The following MAD1L1 variants were observed in gnomAD, a reference collection of about 807,000 sequenced individuals.
MAD1L1 encodes the protein mitotic arrest deficient 1 like 1.
MAD1L1 carries 95 observed loss-of-function variants against 96.9 expected under a neutral mutation model. That is an observed-to-expected ratio of 0.98 (90% CI 0.83 to 1.16). The LOEUF (loss-of-function observed/expected upper bound fraction) is 1.16, where lower values mean the gene tolerates loss of function less well. Among genes scored for constraint, MAD1L1 ranks in the 50% most tolerant of loss-of-function variants. The probability of loss-of-function intolerance (pLI) is 0.00; values close to 1 mark genes in which losing one functional copy is unlikely to be tolerated. For missense variants in MAD1L1, 1,007 were observed against 954.4 expected (o/e 1.06, Z -0.73); for synonymous variants, 473 against 396.6 (o/e 1.19, Z -2.29).
intron 10 of MAD1L1, among the ~76,000 whole-genome samples, chr7:2,184,867 T>G (rs767999708): frequency 2.6e-5 from 4 of 152,046 alleles, no homozygotes; most frequent in Non-Finnish European, 5.9e-5. Context: ...CCAGGCGTGA[T>G]AGCGCACGCC....
intron 17 of MAD1L1, among the ~76,000 whole-genome samples, chr7:1,928,035 C>T (rs562490705): frequency 1.3e-5 from 2 of 152,276 alleles, no homozygotes; most frequent in South Asian, 2.1e-4. Context: ...AGCTCGTGCC[C>T]GAGGCCTTGG....
chr7:2,127,521 C>A (rs569247918), intron 11 of MAD1L1, among the ~76,000 whole-genome samples: 1 of 152,026 alleles, frequency 6.6e-6, no homozygotes, highest in African/African-American at 2.4e-5. Flanking sequence ...CCACACCGAC[C>A]GGTAGGAAAG....
At chr7:2,069,378 G>A (rs757057610) in intron 11 of MAD1L1, 40 bp from the exon 12 acceptor site, 1 of 1,508,614 alleles carries the variant, frequency 6.6e-7, no homozygotes, top group African/African-American at 1.4e-5. Context: ...ATGAAGCCTG[G>A]GGTGACCACC....
intron 15 of MAD1L1, among the ~76,000 whole-genome samples, chr7:1,961,909 G>A (rs1045425898): frequency 8.3e-5 from 12 of 144,542 alleles, no homozygotes; most frequent in African/African-American, 2.1e-4. Context: ...ATCACAGGGC[G>A]GTTTCCCCCA....
chr7:2,012,934 G>A (rs752787502), intron 13 of MAD1L1, among the ~76,000 whole-genome samples: 3 of 152,208 alleles, frequency 2.0e-5, no homozygotes, highest in African/African-American at 2.4e-5. Context: ...GTAGTTTGGC[G>A]ACCTCCTTCT....
At chr7:1,947,658 G>A (rs897389110) in intron 16 of MAD1L1, among the ~76,000 whole-genome samples, 10 of 151,804 alleles carry the variant, frequency 6.6e-5, no homozygotes, top group Non-Finnish European at 1.5e-4. Context: ...CCTGCCCGTG[G>A]CCTTGCCCGC....
chr7:2,026,542 G>A (rs1481777606), intron 12 of MAD1L1, among the ~76,000 whole-genome samples: 1 of 152,112 alleles, frequency 6.6e-6, no homozygotes, highest in Non-Finnish European at 1.5e-5. Flanking sequence ...ACTTCCGATG[G>A]GGCCATAGAG....
At chr7:2,149,863 C>A (rs1789485043) in intron 10 of MAD1L1, among the ~76,000 whole-genome samples, 1 of 152,246 alleles carries the variant, frequency 6.6e-6, no homozygotes, top group African/African-American at 2.4e-5. Flanking sequence ...CGCTGGGACT[C>A]CGGAGGACAC....
rs538894090 is a variant in MAD1L1, at chr7:1,815,856, C to T, written c.*214G>A. On this transcript the variant is annotated 3_prime_UTR_variant, in exon 19 of 19. Coordinates refer to ENST00000265854, the MANE Select transcript of MAD1L1 (RefSeq NM_001013836.2). Reference sequence around the variant, plus strand: ...CCCAGGCTGGTGGCCGACGCCCACACACCAGGCTCCGGGACGCATGGGGTC... The same window carrying T: ...CCCAGGCTGGTGGCCGACGCCCACATACCAGGCTCCGGGACGCATGGGGTC... 4.2e-5 allele frequency: 23 copies of T among 548,322 alleles called. No homozygotes were observed. Among genetic ancestry groups the T allele is most frequent in the Non-Finnish European group, 5.7e-5 (18 of 313,200 alleles). The allele number at this position is 548,322 out of a possible 1,614,324, so 34.0% of individuals were successfully genotyped here.
chr7:2,184,061 C>T (rs35239146), intron 10 of MAD1L1, among the ~76,000 whole-genome samples: 40,539 of 151,604 alleles, frequency 0.27, 6,233 homozygotes, highest in African/African-American at 0.4. Context: ...CCATCCTGGC[C>T]AACACAGTGA....
chr7:1,896,462 G>T (rs1005420288), intron 18 of MAD1L1, among the ~76,000 whole-genome samples: 34 of 152,224 alleles, frequency 2.2e-4, no homozygotes, highest in African/African-American at 8.2e-4. Context: ...AGAAGCCCAT[G>T]CAGGGCTTAC....
intron 11 of MAD1L1, among the ~76,000 whole-genome samples, chr7:2,127,485 A>T (rs1277508907): frequency 6.6e-6 from 1 of 152,214 alleles, no homozygotes; most frequent in Non-Finnish European, 1.5e-5. Flanking sequence ...ACGGAGGAGC[A>T]GCTGCACACG....
intron 18 of MAD1L1, among the ~76,000 whole-genome samples, chr7:1,818,074 C>T (rs918003098): frequency 2.6e-5 from 4 of 152,154 alleles, no homozygotes; most frequent in Admixed American, 1.3e-4. Flanking sequence ...CAAGAGAAAC[C>T]ACTCTGACCT....
At chr7:1,922,016 GGGTTCA>G (rs1788821754) in intron 17 of MAD1L1, among the ~76,000 whole-genome samples, 1 of 152,198 alleles carries the variant, frequency 6.6e-6, no homozygotes, top group Non-Finnish European at 1.5e-5. Context: ...TGAAGACGAG[GGGTTCA>G]GGTTCTGGGA....
At chr7:1,862,788 TATAA>T (rs1466731727) in intron 18 of MAD1L1, among the ~76,000 whole-genome samples, 1 of 152,234 alleles carries the variant, frequency 6.6e-6, no homozygotes, top group East Asian at 1.9e-4. Flanking sequence ...CAGTGCTTGC[TATAA>T]ATAGAGTGAC....
At chr7:2,173,566 A>G (rs1790811575) in intron 10 of MAD1L1, among the ~76,000 whole-genome samples, 1 of 152,146 alleles carries the variant, frequency 6.6e-6, no homozygotes, top group Non-Finnish European at 1.5e-5. Flanking sequence ...GGAGATGTCC[A>G]TGCTCACCCG....
chr7:1,933,289 T>C (rs540999716), intron 17 of MAD1L1, among the ~76,000 whole-genome samples: 4 of 152,316 alleles, frequency 2.6e-5, no homozygotes, highest in African/African-American at 4.8e-5. Flanking sequence ...GAGCGATCCA[T>C]GGGAGCTGTC....
At chr7:2,081,823 C>T (rs1485543115) in intron 11 of MAD1L1, among the ~76,000 whole-genome samples, 1 of 152,224 alleles carries the variant, frequency 6.6e-6, no homozygotes, top group African/African-American at 2.4e-5. Flanking sequence ...GCGGGAGACA[C>T]ACCTGCCGTC....
chr7:1,935,134 C>T (rs545421689), intron 17 of MAD1L1, among the ~76,000 whole-genome samples: 1 of 152,384 alleles, frequency 6.6e-6, no homozygotes, highest in Non-Finnish European at 1.5e-5. Flanking sequence ...TGGAAGGCCC[C>T]TTCCCAAATC....
Sources: gnomAD v4.1 joint callset for allele counts (sites outside exome capture counted in the v4.1 genomes callset) on GRCh38, gnomAD v4.1.1 for gene constraint, MANE v1.5 for transcripts, NCBI Gene and HGNC (gene_info 2026-07-23, HGNC 2026-07-21) for gene names.